Variants in PCDHA5 observed in about 807,000 individuals in gnomAD.
PCDHA5 encodes the protein protocadherin alpha-5.
In PCDHA5, 43 loss-of-function variants were observed where a neutral mutation model predicts 61.6. That is an observed-to-expected ratio of 0.70 (90% CI 0.55 to 0.90). The LOEUF (loss-of-function observed/expected upper bound fraction) is 0.90, where lower values mean the gene tolerates loss of function less well. Ranked by LOEUF, PCDHA5 falls within the 40% of genes least tolerant of loss-of-function variation. The pLI, the probability that PCDHA5 is intolerant of heterozygous loss-of-function variation, is 0.00. For missense variants in PCDHA5, 1,298 were observed against 1,222.7 expected (o/e 1.06, Z -0.92); for synonymous variants, 627 against 543.9 (o/e 1.15, Z -2.13).
chr5:140,834,900 A>C (rs1299634781), intron 1 of PCDHA5: 1 of 1,599,980 alleles, frequency 6.3e-7, no homozygotes, highest in Non-Finnish European at 8.5e-7. Flanking sequence ...TTACAGACTG[A>C]GCCCCAATGA....
At chr5:140,933,351 T>C (rs2089082227) in intron 1 of PCDHA5, among the ~76,000 whole-genome samples, 1 of 152,024 alleles carries the variant, frequency 6.6e-6, no homozygotes, top group South Asian at 2.1e-4. Flanking sequence ...AAACACTTTA[T>C]TTCTAACCCA....
At position 140,837,344 on chromosome 5, in the gene PCDHA5, A is replaced by C. The variant is rs138416097; in HGVS notation, c.2352+13217A>C. ...GAAGAATTAATATGAACAATTTAAAATAGTTTAAATGGCAGTTTAATAGTA... is the reference window on the plus strand; with the variant it reads ...GAAGAATTAATATGAACAATTTAAACTAGTTTAAATGGCAGTTTAATAGTA... On this transcript the variant is annotated intron_variant, in intron 1 of 3. Transcript: ENST00000529859. Among the ~76,000 whole-genome samples, 56 of 152,138 alleles carry C rather than the reference A, an allele frequency of 3.7e-4. No individual in the cohort carries two copies. In the East Asian group the frequency reaches 0.01, roughly 28 times the overall value.
At chr5:141,005,930 G>C (rs1179599253) in intron 3 of PCDHA5, among the ~76,000 whole-genome samples, 1 of 151,958 alleles carries the variant, frequency 6.6e-6, no homozygotes, top group African/African-American at 2.4e-5. Context: ...CTGGTTGACA[G>C]AGTGAGAACC....
chr5:140,877,807 T>C, intron 1 of PCDHA5: 1 of 1,611,556 alleles, frequency 6.2e-7, no homozygotes, highest in Non-Finnish European at 8.5e-7. Context: ...CCTTCAGCTG[T>C]CTCGAGAAGA....
chr5:141,009,654 C>T lies in PCDHA5; in HGVS notation c.2528C>T (p.Pro843Leu). 4 of 1,614,012 alleles carry T rather than the reference C, an allele frequency of 2.5e-6. No individual in the cohort carries two copies. The highest frequency in any genetic ancestry group is 3.4e-6 in the Non-Finnish European group (4 of 1,179,962). The change falls in exon 4 of 4, where the codon CCA becomes CTA. Residue 843 changes from proline to leucine, a missense_variant. Pro to Leu is a moderately conservative substitution (Grantham distance 98, BLOSUM62 -3). Coordinates refer to ENST00000529859, the MANE Select transcript of PCDHA5 (RefSeq NM_018908.3). ...CCAGAGGCAGGAGAAGTGTCCCCTC[C>T]AGTCGGTGCGGGTGTCAACAGCAAC... ...PEPEAGEVSP[P>L]VGAGVNSNSW...
Position 140,821,966 on chromosome 5 carries a change from G to A in PCDHA5, c.191G>A (p.Arg64Gln), listed in dbSNP as rs1280808656. The change falls in exon 1 of 4, where the codon CGG becomes CAG. Residue 64 changes from arginine to glutamine, a missense_variant. Arg to Gln is a conservative substitution (Grantham distance 43). Transcript: ENST00000529859. ...GCGGAGCTGGTGCCGCGCCTGTTCC[G>A]GGTGGCGTCCAAGGGCCGCGGGGAC... is the stretch of plus-strand genomic sequence containing the variant. The part of the protein sequence containing the change: ...ELAELVPRLF[R>Q]VASKGRGDLL... 5 of 1,614,052 alleles carry A rather than the reference G, an allele frequency of 3.1e-6. No individual in the cohort carries two copies. The highest frequency in any genetic ancestry group is 4.2e-6 in the Non-Finnish European group (5 of 1,180,046).
At chr5:140,986,231 C>A (rs2097191592) in intron 3 of PCDHA5, among the ~76,000 whole-genome samples, 1 of 152,210 alleles carries the variant, frequency 6.6e-6, no homozygotes, top group African/African-American at 2.4e-5. Context: ...AGCCTCCCCT[C>A]TGTGTGAGCA....
At chr5:140,842,326 C>T (rs1406099374) in intron 1 of PCDHA5, 4 of 1,606,084 alleles carry the variant, frequency 2.5e-6, no homozygotes, top group African/African-American at 1.3e-5. Flanking sequence ...GTCATTGCAC[C>T]GTTTTAGTGA....
intron 1 of PCDHA5, chr5:140,928,199 C>T: frequency 6.2e-7 from 1 of 1,614,226 alleles, no homozygotes; most frequent in South Asian, 1.1e-5. Context: ...GTGTCAGTTG[C>T]TGATGTGAAT....
chr5:140,848,720 G>A, intron 1 of PCDHA5: 1 of 1,592,556 alleles, frequency 6.3e-7, no homozygotes, highest in Non-Finnish European at 8.6e-7. Flanking sequence ...GGGACCTTCT[G>A]GAGGTAAATC....
At chr5:140,917,334 G>T (rs1466426021) in intron 1 of PCDHA5, among the ~76,000 whole-genome samples, 7 of 147,628 alleles carry the variant, frequency 4.7e-5, no homozygotes, top group Admixed American at 4.1e-4. Context: ...CGGGGGAGGG[G>T]GGGGATGGTG....
intron 1 of PCDHA5, chr5:140,876,869 A>G: frequency 1.9e-6 from 3 of 1,614,030 alleles, no homozygotes; most frequent in Non-Finnish European, 2.5e-6. Flanking sequence ...TTCGTGAAGG[A>G]GAACAACCCG....
chr5:140,876,146 C>T, intron 1 of PCDHA5: 1 of 1,613,952 alleles, frequency 6.2e-7, no homozygotes, highest in Non-Finnish European at 8.5e-7. Context: ...CTAACAGGGT[C>T]TGTCCAGATT....
chr5:140,822,282 C>T lies in PCDHA5; in HGVS notation c.507C>T (p.Tyr169=). ...LDIGANAQLR[Y]RLNPNEYFDL... ...TTGGAGCAAATGCACAATTGAGATA[C>T]AGGTTAAATCCAAACGAATATTTTG... The change falls in exon 1 of 4, where the codon TAC becomes TAT. Residue 169 remains tyrosine (Y), a synonymous_variant. Coordinates refer to ENST00000529859, the MANE Select transcript of PCDHA5 (RefSeq NM_018908.3). The T allele has an allele frequency of 1.2e-6, 2 of 1,614,222 alleles. No individual in the cohort carries two copies. The highest frequency in any genetic ancestry group is 1.7e-5 in the Admixed American group (1 of 60,032).
At chr5:140,985,491 G>C (rs1288786153) in intron 3 of PCDHA5, among the ~76,000 whole-genome samples, 3 of 152,166 alleles carry the variant, frequency 2.0e-5, no homozygotes, top group African/African-American at 7.2e-5. Flanking sequence ...GACTCAAATA[G>C]AGCCTGCCTT....
intron 1 of PCDHA5, among the ~76,000 whole-genome samples, chr5:140,840,207 TA>T (rs1477576699): frequency 3.9e-5 from 6 of 151,970 alleles, no homozygotes; most frequent in African/African-American, 1.2e-4. Flanking sequence ...AAAGAAGTCA[TA>T]AAAATACATA....
At chr5:140,894,960 A>G (rs1277191439) in intron 1 of PCDHA5, among the ~76,000 whole-genome samples, 1 of 152,170 alleles carries the variant, frequency 6.6e-6, no homozygotes, top group African/African-American at 2.4e-5. Context: ...ATAAAAATAT[A>G]ATTTTTTAAT....
At chr5:140,912,939 T>C (rs1372074826) in intron 1 of PCDHA5, among the ~76,000 whole-genome samples, 1 of 152,230 alleles carries the variant, frequency 6.6e-6, no homozygotes, top group Middle Eastern at 3.2e-3. Context: ...CATCCTTGTA[T>C]CCCTGGGATA....
intron 1 of PCDHA5, chr5:140,859,405 G>C (rs1222698496): frequency 4.0e-6 from 1 of 250,884 alleles, no homozygotes; most frequent in African/African-American, 2.3e-5. Context: ...ACAGGGTTGG[G>C]TTAGATGATA....
Sources: allele counts gnomAD v4.1 joint callset (sites outside exome capture counted in the v4.1 genomes callset), GRCh38; gene constraint gnomAD v4.1.1; transcripts MANE v1.5; gene names NCBI Gene and HGNC (gene_info 2026-07-23, HGNC 2026-07-21).